LRRIQ1: variants seen among roughly 807,000 people sequenced by gnomAD.
LRRIQ1 encodes leucine-rich repeat- and IQ domain-containing protein 1.
In LRRIQ1, 210 loss-of-function variants were observed where a neutral mutation model predicts 211.9. The observed-to-expected ratio is 0.99, with a 90% CI of 0.89 to 1.11. LRRIQ1 has a LOEUF of 1.11. Ranked by LOEUF, LRRIQ1 falls within the 50% of genes most tolerant of loss-of-function variation. The pLI is 0.00. For missense variants in LRRIQ1, 2,136 were observed against 1,939.5 expected (o/e 1.10, Z -1.90); for synonymous variants, 699 against 650.1 (o/e 1.08, Z -1.14).
intron 19 of LRRIQ1, among the ~76,000 whole-genome samples, chr12:85,141,426 G>A: frequency 1.3e-5 from 2 of 151,012 alleles, no homozygotes; most frequent in Non-Finnish European, 3.0e-5. Flanking sequence ...TCATACTTCG[G>A]GGCTGTGTTT....
chr12:85,155,129 C>T (rs1890471986), intron 23 of LRRIQ1, among the ~76,000 whole-genome samples: 1 of 151,392 alleles, frequency 6.6e-6, no homozygotes, highest in South Asian at 2.1e-4. Context: ...ACTGGTGATT[C>T]ATTTTTATAT....
Position 85,154,078 on chromosome 12 carries a change from A to G in LRRIQ1, c.4704A>G (p.Lys1568=), listed in dbSNP as rs770328521. The G allele has an allele frequency of 5.7e-5, 89 of 1,567,070 alleles. No homozygotes were observed. Among genetic ancestry groups the G allele is most frequent in the Non-Finnish European group, 6.8e-5 (79 of 1,155,004 alleles). ...GGGCACAGAAAATGAAATCGAAGAA[A>G]CTAAAGAAAAAAATAGGTGAGTAAT... ...LKRAQKMKSK[K]LKKKIDSTVR... Residue 1568 remains lysine (K), a synonymous_variant, in exon 23 of 27, where the codon AAA becomes AAG. Coordinates refer to ENST00000393217, the MANE Select transcript of LRRIQ1 (RefSeq NM_001079910.2).
intron 7 of LRRIQ1, among the ~76,000 whole-genome samples, chr12:85,052,543 T>A (rs1194252593): frequency 6.6e-6 from 1 of 152,082 alleles, no homozygotes; most frequent in Non-Finnish European, 1.5e-5. Context: ...CAAAGATTGT[T>A]ATGAAAGCTT....
At chr12:85,257,340 T>C (rs1896149137) in intron 1 of LRRIQ1, among the ~76,000 whole-genome samples, 1 of 147,706 alleles carries the variant, frequency 6.8e-6, no homozygotes, top group South Asian at 2.1e-4. Flanking sequence ...GTAAATATAA[T>C]GAAACTGAAT....
intron 13 of LRRIQ1, among the ~76,000 whole-genome samples, chr12:85,102,955 A>ATATATATATATATATATATAT (rs1555207722): frequency 8.4e-6 from 1 of 119,436 alleles, no homozygotes; most frequent in African/African-American, 3.5e-5. Context: ...AAAAAAAAAA[A>ATATATATATATATATATATAT]AAAAATATAT....
At chr12:85,047,178 T>C (rs1451992215) in intron 5 of LRRIQ1, 69 bp from the exon 6 acceptor site, 1 of 1,186,066 alleles carries the variant, frequency 8.4e-7, no homozygotes, top group Non-Finnish European at 1.2e-6. Flanking sequence ...AAATTACTTT[T>C]ATACTTTGAA....
chr12:85,256,187 T>A (rs1218012590), intron 1 of LRRIQ1, among the ~76,000 whole-genome samples: 1 of 151,638 alleles, frequency 6.6e-6, no homozygotes. Context: ...CTGTATTTTG[T>A]AAGAGAACTA....
intron 24 of LRRIQ1, among the ~76,000 whole-genome samples, chr12:85,217,492 G>GTA (rs1214919315): frequency 2.1e-3 from 157 of 74,950 alleles, no homozygotes; most frequent in East Asian, 6.4e-3. Flanking sequence ...ATATATATAT[G>GTA]TATATATATA....
intron 6 of LRRIQ1, 64 bp downstream of exon 6, chr12:85,047,534 T>C (rs752346302): frequency 1.4e-5 from 19 of 1,374,290 alleles, no homozygotes; most frequent in Non-Finnish European, 1.8e-5. Flanking sequence ...AATATTGATA[T>C]TTGGATTGTG....
intron 24 of LRRIQ1, among the ~76,000 whole-genome samples, chr12:85,208,466 G>A (rs1020595367): frequency 4.6e-5 from 7 of 151,888 alleles, no homozygotes; most frequent in Non-Finnish European, 8.8e-5. Flanking sequence ...AACATCTCAG[G>A]AAATAAGCCA....
At position 85,070,437 on chromosome 12, in the gene LRRIQ1, A is replaced by G. The variant is rs146558249; in HGVS notation, c.2696-2470A>G. Among the ~76,000 whole-genome samples the G allele has an allele frequency of 6.7e-3, 1,015 of 152,080 alleles. 16 individuals carry two copies. The highest frequency in any genetic ancestry group is 0.023 in the African/African-American group (956 of 41,540). On this transcript the variant is annotated intron_variant, in intron 10 of 26. Transcript: ENST00000393217. ...CACAGCCTTTAAGCTGGAATTCTTT[A>G]ATCAATTAGAACTATTTTGTTATCC...
downstream of LRRIQ1, among the ~76,000 whole-genome samples, chr12:85,247,569 T>C (rs1895765896): frequency 6.6e-6 from 1 of 151,572 alleles, no homozygotes; most frequent in African/African-American, 2.4e-5. Flanking sequence ...TAACATTAAG[T>C]TTACTGTCTG....
At chr12:85,084,654 G>A (rs1884627725) in intron 11 of LRRIQ1, among the ~76,000 whole-genome samples, 1 of 152,104 alleles carries the variant, frequency 6.6e-6, no homozygotes, top group Admixed American at 6.5e-5. Flanking sequence ...GGCTGGGCAT[G>A]GTGGCTCATG....
At chr12:85,116,197 C>T (rs1369587578) in intron 15 of LRRIQ1, among the ~76,000 whole-genome samples, 5 of 152,214 alleles carry the variant, frequency 3.3e-5, no homozygotes, top group Admixed American at 3.3e-4. Context: ...GGCTGGAGTG[C>T]AGTGGCGCGA....
At chr12:85,138,928 T>A (rs898169883) in intron 19 of LRRIQ1, among the ~76,000 whole-genome samples, 1 of 151,532 alleles carries the variant, frequency 6.6e-6, no homozygotes, top group Admixed American at 6.6e-5. Flanking sequence ...GTAGCAGATG[T>A]GTGAATGGAG....
chr12:85,200,963 G>A (rs1289928720), intron 24 of LRRIQ1, among the ~76,000 whole-genome samples: 1 of 151,228 alleles, frequency 6.6e-6, no homozygotes, highest in East Asian at 1.9e-4. Flanking sequence ...GGGACTGCAG[G>A]TGCACGCCAC....
chr12:85,142,562 C>T (rs1351720752), intron 19 of LRRIQ1, among the ~76,000 whole-genome samples: 2 of 151,298 alleles, frequency 1.3e-5, no homozygotes, highest in African/African-American at 4.8e-5. Context: ...TGAACTTATT[C>T]CTCCTCTCTA....
At chr12:85,129,998 T>C (rs951702845) in intron 18 of LRRIQ1, among the ~76,000 whole-genome samples, 4 of 152,218 alleles carry the variant, frequency 2.6e-5, no homozygotes, top group African/African-American at 9.6e-5. Context: ...AGTAAATACA[T>C]GAGAGATAGG....
chr12:85,105,390 T>G (rs1886697785), intron 14 of LRRIQ1, among the ~76,000 whole-genome samples: 2 of 152,148 alleles, frequency 1.3e-5, no homozygotes, highest in Admixed American at 1.3e-4. Flanking sequence ...AGAGGTTGAG[T>G]TCATTTTTTA....
Sources: allele counts gnomAD v4.1 joint callset (sites outside exome capture counted in the v4.1 genomes callset), GRCh38; gene constraint gnomAD v4.1.1; transcripts MANE v1.5; gene names NCBI Gene and HGNC (gene_info 2026-07-23, HGNC 2026-07-21).